Variants in UBR2 observed in about 807,000 individuals in gnomAD.
UBR2 encodes the protein ubiquitin protein ligase E3 component n-recognin 2.
UBR2 carries 92 observed loss-of-function variants against 247.9 expected under a neutral mutation model. The ratio of observed to expected loss-of-function variants is 0.37; its 90% confidence interval spans 0.31 to 0.44. UBR2 has a LOEUF of 0.44. Ranked by LOEUF, UBR2 falls within the 20% of genes least tolerant of loss-of-function variation. UBR2 has a pLI of 1.00. For synonymous variants in UBR2, 672 were observed against 693.5 expected (o/e 0.97, Z 0.49); for missense variants, 1,613 against 2,112.6 (o/e 0.76, Z 4.64).
intron 11 of UBR2, chr6:42,619,437 A>ATTTTTTTTTTTTT (rs1426180041): frequency 4.7e-5 from 1 of 21,204 alleles, no homozygotes; most frequent in Non-Finnish European, 9.3e-5. Context: ...ATATATATAT[A>ATTTTTTTTTTTTT]TATATATATA....
At chr6:42,624,646 A>T (rs1467714874) in intron 11 of UBR2, among the ~76,000 whole-genome samples, 2 of 152,026 alleles carry the variant, frequency 1.3e-5, no homozygotes, top group African/African-American at 4.8e-5. Context: ...TAATTTGGTG[A>T]GCAGAAAACT....
At chr6:42,640,003 G>A (rs1311650580) in intron 15 of UBR2, among the ~76,000 whole-genome samples, 1 of 152,122 alleles carries the variant, frequency 6.6e-6, no homozygotes, top group Non-Finnish European at 1.5e-5. Context: ...ACTCCAGCCG[G>A]GTGACAGAGC....
At chr6:42,612,349 G>A in intron 8 of UBR2, 58 bp downstream of exon 8, 2 of 1,402,166 alleles carry the variant, frequency 1.4e-6, no homozygotes, top group Non-Finnish European at 1.9e-6. Context: ...ATATGCTGTT[G>A]CAAAACTGTT....
intron 4 of UBR2, among the ~76,000 whole-genome samples, chr6:42,597,141 A>G (rs1423326023): frequency 6.6e-6 from 1 of 152,132 alleles, no homozygotes; most frequent in Admixed American, 6.5e-5. Context: ...TGGGATGGCT[A>G]TCCAACAGTC....
chr6:42,594,961 T>C (rs140608358), intron 4 of UBR2, among the ~76,000 whole-genome samples: 16 of 152,318 alleles, frequency 1.1e-4, no homozygotes, highest in Non-Finnish European at 1.5e-4. Flanking sequence ...TATACAATGA[T>C]TAAATCTTTC....
chr6:42,604,855 C>T (rs527919089), intron 5 of UBR2, among the ~76,000 whole-genome samples: 2 of 151,902 alleles, frequency 1.3e-5, no homozygotes, highest in Non-Finnish European at 2.9e-5. Flanking sequence ...AGTAAGACCC[C>T]GCCTCTACAA....
At chr6:42,595,865 T>C (rs1232525083) in intron 4 of UBR2, among the ~76,000 whole-genome samples, 2 of 152,006 alleles carry the variant, frequency 1.3e-5, no homozygotes, top group Non-Finnish European at 2.9e-5. Flanking sequence ...TGTTTTTCAT[T>C]TGCTTTGTGA....
intron 16 of UBR2, 111 bp downstream of exon 16, chr6:42,640,381 AAGG>A: frequency 1.4e-5 from 7 of 488,940 alleles, no homozygotes; most frequent in Non-Finnish European, 1.4e-5. Context: ...CAGAACCAGT[AAGG>A]TGTGTGTGTG....
Position 42,670,819 on chromosome 6 carries a change from T to G in UBR2, c.4086+104T>G, listed in dbSNP as rs932242936. The stretch of plus-strand genomic sequence containing the variant: ...TGCAGTAGTTACTTACACCTTCACT[T>G]CTTTCGTAGTAAAAACCCATTTTCT... On this transcript the variant is annotated intron_variant, in intron 36 of 46. Transcript: ENST00000372901. The G allele has an allele frequency of 2.0e-4, 157 of 802,218 alleles. 1 individual carries two copies. The highest frequency in any genetic ancestry group is 4.1e-4 in the Admixed American group (15 of 36,542). The allele number at this position is 802,218 out of a possible 1,614,324, so 49.7% of individuals were successfully genotyped here.
At chr6:42,673,469 G>A (rs1798556606) in intron 36 of UBR2, among the ~76,000 whole-genome samples, 1 of 152,160 alleles carries the variant, frequency 6.6e-6, no homozygotes, top group Non-Finnish European at 1.5e-5. Flanking sequence ...TTACAGGTGT[G>A]AGCCACCACA....
chr6:42,667,682 T>C (rs1798194726), intron 34 of UBR2, among the ~76,000 whole-genome samples: 5 of 141,766 alleles, frequency 3.5e-5, no homozygotes, highest in African/African-American at 5.2e-5. Flanking sequence ...CCTTGTCTTT[T>C]TCATGTACTT....
intron 20 of UBR2, among the ~76,000 whole-genome samples, 195 bp from the exon 21 acceptor site, chr6:42,645,271 C>G (rs1252661910): frequency 6.6e-6 from 1 of 152,198 alleles, no homozygotes; most frequent in African/African-American, 2.4e-5. Flanking sequence ...AGCCTGCCCT[C>G]ACGTTTTGGG....
intron 32 of UBR2, among the ~76,000 whole-genome samples, chr6:42,665,027 A>G (rs1562378408): frequency 6.6e-6 from 1 of 152,234 alleles, no homozygotes; most frequent in Non-Finnish European, 1.5e-5. Flanking sequence ...AACCTGAAAC[A>G]AAATGTAGGG....
chr6:42,677,333 T>C (rs1360010099), intron 40 of UBR2, among the ~76,000 whole-genome samples: 1 of 152,232 alleles, frequency 6.6e-6, no homozygotes, highest in African/African-American at 2.4e-5. Context: ...AAATAGCAAT[T>C]CAGTAGTTTG....
intron 11 of UBR2, among the ~76,000 whole-genome samples, chr6:42,627,108 C>G (rs1488246324): frequency 2.0e-5 from 3 of 151,998 alleles, no homozygotes; most frequent in Admixed American, 2.0e-4. Flanking sequence ...GTTTGGAGGG[C>G]AGGGGGCTAG....
At chr6:42,628,089 T>A (rs73422517) in intron 11 of UBR2, among the ~76,000 whole-genome samples, 2,866 of 152,256 alleles carry the variant, frequency 0.019, 79 homozygotes, top group African/African-American at 0.067. Context: ...TGCAGAATGC[T>A]GGCTCACCTC....
At chr6:42,599,796 A>T (rs1380048085) in intron 4 of UBR2, among the ~76,000 whole-genome samples, 1 of 152,056 alleles carries the variant, frequency 6.6e-6, no homozygotes, top group Non-Finnish European at 1.5e-5. Context: ...GACCACAGGC[A>T]CATACCCTGC....
Position 42,691,016 on chromosome 6 carries a change from T to A in UBR2, c.5127-16T>A. ...AACAGAACACATTCTGAGTGACATGTGTCTTCTCTTTCTAGACGGGGAAAT... is the reference window on the plus strand; with the variant it reads ...AACAGAACACATTCTGAGTGACATGAGTCTTCTCTTTCTAGACGGGGAAAT... On this transcript the variant is annotated splice_polypyrimidine_tract_variant and intron_variant, in intron 46 of 46. Coordinates refer to ENST00000372901, the MANE Select transcript of UBR2 (RefSeq NM_001363705.2). The A allele has an allele frequency of 6.2e-7, 1 of 1,613,264 alleles. No homozygotes were observed. Among genetic ancestry groups the A allele is most frequent in the Non-Finnish European group, 8.5e-7 (1 of 1,179,824 alleles).
At chr6:42,647,047 C>T (rs1796809661) in intron 21 of UBR2, among the ~76,000 whole-genome samples, 1 of 151,796 alleles carries the variant, frequency 6.6e-6, no homozygotes, top group African/African-American at 2.4e-5. Context: ...GTCTCGAACT[C>T]CTGGCCTCAA....
Sources: allele counts gnomAD v4.1 joint callset (sites outside exome capture counted in the v4.1 genomes callset), GRCh38; gene constraint gnomAD v4.1.1; transcripts MANE v1.5; gene names NCBI Gene and HGNC (gene_info 2026-07-23, HGNC 2026-07-21).